Variants in STK32B observed in about 807,000 individuals in gnomAD.
The protein encoded by STK32B is serine/threonine kinase 32B.
A neutral mutation model predicts 52.6 loss-of-function variants in STK32B; 43 were observed. The observed-to-expected ratio is 0.82, with a 90% CI of 0.64 to 1.05. The LOEUF (loss-of-function observed/expected upper bound fraction) is 1.05, where lower values mean the gene tolerates loss of function less well. STK32B is among the 50% of genes least tolerant of loss of function. The probability of loss-of-function intolerance (pLI) is 0.00; values close to 1 mark genes in which losing one functional copy is unlikely to be tolerated. For synonymous variants in STK32B, 238 were observed against 204.3 expected (o/e 1.17, Z -1.41); for missense variants, 621 against 534.6 (o/e 1.16, Z -1.59).
At position 5,290,590 on chromosome 4, in the gene STK32B, A is replaced by AT. The variant is rs555595562; in HGVS notation, c.261-40623dup. On this transcript the variant is annotated intron_variant, in intron 3 of 11. Transcript: ENST00000282908. ...GAAACATTACACAGCACGTGACTGC[A>AT]TTTTTTTAATTACTTAATTTTTTTT... Among the ~76,000 whole-genome samples the AT allele has an allele frequency of 2.6e-4, 40 of 151,568 alleles. No individual in the cohort carries two copies. The East Asian group carries it at 2.9e-3, about 11-fold the overall frequency.
At chr4:5,489,852 T>C (rs1024982379) in intron 11 of STK32B, among the ~76,000 whole-genome samples, 2 of 152,180 alleles carry the variant, frequency 1.3e-5, no homozygotes, top group East Asian at 1.9e-4. Context: ...ATACAATTTC[T>C]TAAGAGATTT....
intron 3 of STK32B, among the ~76,000 whole-genome samples, chr4:5,273,372 GAAC>G (rs1727578163): frequency 1.5e-5 from 1 of 66,602 alleles, no homozygotes; most frequent in Admixed American, 1.8e-4. Context: ...GGAGAAATAG[GAAC>G]ACTTTTACAC....
chr4:5,412,366 A>G (rs1711766678), intron 5 of STK32B, among the ~76,000 whole-genome samples: 1 of 152,204 alleles, frequency 6.6e-6, no homozygotes, highest in Non-Finnish European at 1.5e-5. Flanking sequence ...TGCCCATTAG[A>G]TGAGGCCCAC....
At chr4:5,226,358 C>G (rs1449399289) in intron 3 of STK32B, among the ~76,000 whole-genome samples, 2 of 152,156 alleles carry the variant, frequency 1.3e-5, no homozygotes, top group East Asian at 3.9e-4. Flanking sequence ...TAGTAGCTCC[C>G]CATTTTTGCA....
At chr4:5,212,421 C>T (rs1177242600) in intron 3 of STK32B, among the ~76,000 whole-genome samples, 3 of 152,236 alleles carry the variant, frequency 2.0e-5, no homozygotes, top group East Asian at 1.9e-4. Flanking sequence ...TTTTAAAGAG[C>T]TCTCAAAATG....
At chr4:5,423,228 T>C (rs1303293052) in intron 6 of STK32B, among the ~76,000 whole-genome samples, 1 of 152,040 alleles carries the variant, frequency 6.6e-6, no homozygotes, top group African/African-American at 2.4e-5. Context: ...ATGGTCCAGG[T>C]GAAGTGTGGG....
intron 1 of STK32B, among the ~76,000 whole-genome samples, chr4:5,120,852 AAAT>A (rs1480145551): frequency 6.6e-6 from 1 of 151,420 alleles, no homozygotes; most frequent in African/African-American, 2.4e-5. Flanking sequence ...ATATATTATA[AAAT>A]AATATAACAC....
At position 5,079,431 on chromosome 4, in the gene STK32B, T is replaced by A. The variant is rs192081971; in HGVS notation, c.52+27516T>A. The stretch of plus-strand genomic sequence containing the variant: ...TTATGCCAGTTCTTGGCTCACTGCA[T>A]CCTAGCCAGGAAAGAGACATATTTT... On this transcript the variant is annotated intron_variant, in intron 1 of 11. Transcript: ENST00000282908. Among the ~76,000 whole-genome samples the A allele has an allele frequency of 6.6e-5, 10 of 152,282 alleles. No individual in the cohort carries two copies. The East Asian group carries it at 1.9e-3, about 29-fold the overall frequency.
At chr4:5,217,918 A>G (rs1016709381) in intron 3 of STK32B, among the ~76,000 whole-genome samples, 1 of 152,196 alleles carries the variant, frequency 6.6e-6, no homozygotes, top group African/African-American at 2.4e-5. Flanking sequence ...ACTACTATGA[A>G]CCTCACAGGA....
chr4:5,188,908 A>G (rs1458262286), intron 3 of STK32B, among the ~76,000 whole-genome samples: 1 of 152,004 alleles, frequency 6.6e-6, no homozygotes, highest in Non-Finnish European at 1.5e-5. Context: ...GAAATACCTA[A>G]TGTAAATGAT....
intron 3 of STK32B, among the ~76,000 whole-genome samples, chr4:5,280,758 G>A (rs1381669010): frequency 2.0e-5 from 3 of 151,972 alleles, no homozygotes; most frequent in Non-Finnish European, 2.9e-5. Context: ...AATTAGCCAG[G>A]CATGGTGGTG....
At chr4:5,441,476 T>C (rs1004395449) in intron 6 of STK32B, among the ~76,000 whole-genome samples, 10 of 151,048 alleles carry the variant, frequency 6.6e-5, no homozygotes, top group African/African-American at 2.4e-4. Flanking sequence ...TTTTATTGCA[T>C]CTATTTGATT....
intron 3 of STK32B, among the ~76,000 whole-genome samples, chr4:5,287,116 T>G (rs1176968246): frequency 6.6e-6 from 1 of 152,072 alleles, no homozygotes; most frequent in Non-Finnish European, 1.5e-5. Context: ...TTTTGTTGGT[T>G]ATATTCTAAG....
chr4:5,025,291 C>T, the STK32B span, among the ~76,000 whole-genome samples: 1 of 152,016 alleles, frequency 6.6e-6, no homozygotes, highest in Non-Finnish European at 1.5e-5. Context: ...CACTTGATCC[C>T]CCATAGTGAT....
At chr4:5,461,445 C>A (rs1388669790) in intron 9 of STK32B, among the ~76,000 whole-genome samples, 1 of 152,198 alleles carries the variant, frequency 6.6e-6, no homozygotes, top group Non-Finnish European at 1.5e-5. Flanking sequence ...CTCCCCACAT[C>A]AGTTTCTCCA....
intron 3 of STK32B, among the ~76,000 whole-genome samples, chr4:5,239,819 C>G (rs1050621260): frequency 1.3e-5 from 2 of 151,840 alleles, no homozygotes; most frequent in Non-Finnish European, 2.9e-5. Flanking sequence ...TGGTCTCCAA[C>G]TTCATCTGCC....
chr4:5,330,665 G>A (rs896426588), intron 3 of STK32B, among the ~76,000 whole-genome samples: 3 of 152,120 alleles, frequency 2.0e-5, no homozygotes, highest in Non-Finnish European at 2.9e-5. Context: ...CCTTCTCTTG[G>A]CCTCTCCATG....
At chr4:5,363,411 C>G (rs1734676181) in intron 4 of STK32B, among the ~76,000 whole-genome samples, 1 of 152,172 alleles carries the variant, frequency 6.6e-6, no homozygotes, top group Non-Finnish European at 1.5e-5. Flanking sequence ...GGCACCAGAT[C>G]CTGCCACTGA....
chr4:5,493,364 C>T (rs1426000641), intron 11 of STK32B, among the ~76,000 whole-genome samples: 10 of 152,168 alleles, frequency 6.6e-5, no homozygotes, highest in East Asian at 1.9e-4. Flanking sequence ...AGTTTATTTG[C>T]GTAGAGGTGT....
Sources: gnomAD v4.1 joint callset for allele counts (sites outside exome capture counted in the v4.1 genomes callset) on GRCh38, gnomAD v4.1.1 for gene constraint, MANE v1.5 for transcripts, NCBI Gene and HGNC (gene_info 2026-07-23, HGNC 2026-07-21) for gene names.